Variants in FOXN3 observed in about 807,000 individuals in gnomAD.
FOXN3 encodes forkhead box protein N3.
FOXN3 carries 7 observed loss-of-function variants against 38.4 expected under a neutral mutation model. The observed-to-expected ratio is 0.18, with a 90% CI of 0.10 to 0.34. The LOEUF is 0.34. Ranked by LOEUF, FOXN3 falls within the 10% of genes least tolerant of loss-of-function variation. FOXN3 has a pLI of 1.00. For synonymous variants in FOXN3, 230 were observed against 242.2 expected, an observed-to-expected ratio of 0.95 and a Z score of 0.47; for missense variants, 456 against 613.4, an observed-to-expected ratio of 0.74 and a Z score of 2.71.
At chr14:89,521,653 T>C (rs997266678) in intron 1 of FOXN3, among the ~76,000 whole-genome samples, 3 of 152,066 alleles carry the variant, frequency 2.0e-5, no homozygotes, top group African/African-American at 7.2e-5. Flanking sequence ...TTTTCATGTT[T>C]AAGAAACTCA....
intron 1 of FOXN3, among the ~76,000 whole-genome samples, chr14:89,542,792 T>C (rs1461335794): frequency 6.6e-6 from 1 of 152,202 alleles, no homozygotes; most frequent in Non-Finnish European, 1.5e-5. Flanking sequence ...GCTGAGATCT[T>C]CTTTTGTTTT....
At chr14:89,285,651 G>C (rs1238285699) in intron 3 of FOXN3, among the ~76,000 whole-genome samples, 1 of 152,140 alleles carries the variant, frequency 6.6e-6, no homozygotes, top group Non-Finnish European at 1.5e-5. Context: ...GGTATCTAGA[G>C]TAGACAAATT....
intron 1 of FOXN3, among the ~76,000 whole-genome samples, chr14:89,428,788 C>T (rs904122376): frequency 4.6e-5 from 7 of 152,230 alleles, no homozygotes; most frequent in African/African-American, 1.7e-4. Context: ...GCACCCTGCG[C>T]AGGCCTCCAC....
intron 2 of FOXN3, among the ~76,000 whole-genome samples, chr14:89,394,212 C>CTTTTTTTTT (rs35674375): frequency 2.7e-5 from 3 of 109,618 alleles, no homozygotes; most frequent in Non-Finnish European, 5.4e-5. Context: ...GATCGACGTT[C>CTTTTTTTTT]TTTTTTTTTT....
At chr14:89,618,737 A>G (rs996467822) in intron 1 of FOXN3, among the ~76,000 whole-genome samples, 30 of 152,152 alleles carry the variant, frequency 2.0e-4, no homozygotes, top group Middle Eastern at 6.8e-3. Flanking sequence ...TTTTTAAAAA[A>G]AATTTTAAAA....
chr14:89,379,974 A>G (rs1344374783), intron 2 of FOXN3, among the ~76,000 whole-genome samples: 1 of 152,050 alleles, frequency 6.6e-6, no homozygotes, highest in East Asian at 1.9e-4. Flanking sequence ...CTCAATTCAA[A>G]CGCAGAATAA....
At chr14:89,248,815 T>G (rs1342914694) in intron 4 of FOXN3, among the ~76,000 whole-genome samples, 2 of 152,240 alleles carry the variant, frequency 1.3e-5, no homozygotes, top group African/African-American at 2.4e-5. Context: ...ACAGGTGAAT[T>G]TTTTTAAAGC....
At chr14:89,492,807 G>A (rs774810650) in intron 1 of FOXN3, among the ~76,000 whole-genome samples, 5 of 152,168 alleles carry the variant, frequency 3.3e-5, no homozygotes, top group Non-Finnish European at 7.3e-5. Context: ...GGCATATATG[G>A]AAAGCTTCAA....
chr14:89,333,749 TAAAAAA>T (rs57491119), intron 3 of FOXN3, among the ~76,000 whole-genome samples: 93 of 57,278 alleles, frequency 1.6e-3, no homozygotes, highest in African/African-American at 5.3e-3. Context: ...GAGAGACTAT[TAAAAAA>T]AAAAAAAAAA....
chr14:89,317,702 C>T (rs1887763190), intron 3 of FOXN3, among the ~76,000 whole-genome samples: 1 of 151,980 alleles, frequency 6.6e-6, no homozygotes, highest in Admixed American at 6.6e-5. Context: ...AACCTACCTC[C>T]TTTCCCCCCC....
At chr14:89,175,599 C>T (rs1216241704) in intron 5 of FOXN3, among the ~76,000 whole-genome samples, 2 of 152,212 alleles carry the variant, frequency 1.3e-5, no homozygotes. Context: ...ATGAGGCAGA[C>T]ACACGTTTCC....
chr14:89,264,920 C>A (rs1885923171), intron 4 of FOXN3, among the ~76,000 whole-genome samples: 1 of 152,180 alleles, frequency 6.6e-6, no homozygotes, highest in Non-Finnish European at 1.5e-5. Flanking sequence ...CAACAGCTTC[C>A]ATATATTCAT....
rs1885678181 is a variant in FOXN3 at position 89,257,978 on chromosome 14, G to C, written c.745+22972C>G. Among the ~76,000 whole-genome samples, 6 of 152,288 alleles carry C rather than the reference G, an allele frequency of 3.9e-5. No individual in the cohort carries two copies. The South Asian group carries it at 1.2e-3, about 32-fold the overall frequency. On this transcript the variant is annotated intron_variant, in intron 4 of 5. Transcript: ENST00000557258. ...GCTTGAGGATGGTATCCTAACAGCAGAGTAGAGCCTTCATGGTTTTGTTTT... is the reference window on the plus strand; with the variant it reads ...GCTTGAGGATGGTATCCTAACAGCACAGTAGAGCCTTCATGGTTTTGTTTT...
chr14:89,407,944 T>C (rs905885309), intron 2 of FOXN3, among the ~76,000 whole-genome samples: 3 of 152,226 alleles, frequency 2.0e-5, no homozygotes, highest in African/African-American at 4.8e-5. Flanking sequence ...TATGGGGGTA[T>C]ATCAAGTCAT....
rs111628178 is a variant in FOXN3, at chr14:89,294,391, G to A, written c.681-13377C>T. ...TCATTTTTCATGTGTCTCATACACC[G>A]ACTCTCCATGTGCGTCTTCATTCGA... On this transcript the variant is annotated intron_variant, in intron 3 of 5. Transcript: ENST00000557258. Among the ~76,000 whole-genome samples the A allele has an allele frequency of 4.2e-3, 646 of 152,246 alleles. 2 individuals carry two copies. Among genetic ancestry groups the A allele is most frequent in the African/African-American group, 0.014 (591 of 41,538 alleles).
intron 2 of FOXN3, among the ~76,000 whole-genome samples, chr14:89,400,872 T>C (rs1371104358): frequency 6.6e-6 from 1 of 152,140 alleles, no homozygotes; most frequent in African/African-American, 2.4e-5. Context: ...TATATCTTCA[T>C]TGCATGTAAC....
chr14:89,591,393 T>G (rs565239529), intron 1 of FOXN3, among the ~76,000 whole-genome samples: 83 of 152,224 alleles, frequency 5.5e-4, no homozygotes, highest in African/African-American at 1.9e-3. Context: ...GATTAGGAGA[T>G]TCTTCTCTGA....
At chr14:89,370,550 C>T (rs1179543130) in intron 2 of FOXN3, among the ~76,000 whole-genome samples, 1 of 152,218 alleles carries the variant, frequency 6.6e-6, no homozygotes, top group African/African-American at 2.4e-5. Context: ...TGACAGTCTC[C>T]CCAGCAAGCG....
chr14:89,505,238 A>C (rs548860868), intron 1 of FOXN3, among the ~76,000 whole-genome samples: 20 of 151,296 alleles, frequency 1.3e-4, no homozygotes, highest in African/African-American at 4.9e-4. Flanking sequence ...AGCTAATGAA[A>C]CACTGTCCCC....
Sources: allele counts gnomAD v4.1 joint callset (sites outside exome capture counted in the v4.1 genomes callset), GRCh38; gene constraint gnomAD v4.1.1; transcripts MANE v1.5; gene names NCBI Gene and HGNC (gene_info 2026-07-23, HGNC 2026-07-21).